Variants in TBXAS1 observed in about 807,000 individuals in gnomAD.
TBXAS1 encodes the protein thromboxane A synthase 1, also known as thromboxane-A synthase.
A neutral mutation model predicts 60.7 loss-of-function variants in TBXAS1; 48 were observed. That is an observed-to-expected ratio of 0.79 (90% CI 0.63 to 1.01). TBXAS1 has a LOEUF of 1.01. Ranked by LOEUF, TBXAS1 falls within the 50% of genes least tolerant of loss-of-function variation. TBXAS1 has a pLI of 0.00. For missense variants in TBXAS1, 685 were observed against 686.3 expected, an observed-to-expected ratio of 1.00 and a Z score of 0.02; for synonymous variants, 287 against 269.7, an observed-to-expected ratio of 1.06 and a Z score of -0.63.
chr7:139,814,826 A>T (rs1798107139), intron 4 of TBXAS1, among the ~76,000 whole-genome samples: 1 of 152,082 alleles, frequency 6.6e-6, no homozygotes, highest in Admixed American at 6.6e-5. Context: ...CTTGGCACTG[A>T]CCTGGAGTCC....
At chr7:139,908,257 A>T (rs2117035809) in intron 3 of TBXAS1, among the ~76,000 whole-genome samples, 1 of 151,876 alleles carries the variant, frequency 6.6e-6, no homozygotes, top group South Asian at 2.1e-4. Flanking sequence ...TTCATTTAAG[A>T]TCTTTCCTCT....
At chr7:139,905,798 C>A (rs962520032) in intron 3 of TBXAS1, among the ~76,000 whole-genome samples, 1 of 152,162 alleles carries the variant, frequency 6.6e-6, no homozygotes, top group Non-Finnish European at 1.5e-5. Context: ...TGTAGCATGT[C>A]TTTTCATCTT....
intron 9 of TBXAS1, among the ~76,000 whole-genome samples, chr7:139,996,332 G>A (rs1203605044): frequency 6.6e-6 from 1 of 152,058 alleles, no homozygotes; most frequent in Non-Finnish European, 1.5e-5. Flanking sequence ...GTTTTCCAGG[G>A]TCCCTTACTT....
At chr7:139,783,444 A>G (rs1302753998) in intron 3 of TBXAS1, among the ~76,000 whole-genome samples, 1 of 152,178 alleles carries the variant, frequency 6.6e-6, no homozygotes, top group Admixed American at 6.5e-5. Flanking sequence ...GGTTGCGGGA[A>G]TGGCAGATTA....
At chr7:139,805,362 T>C (rs1433784363) in intron 4 of TBXAS1, among the ~76,000 whole-genome samples, 1 of 152,254 alleles carries the variant, frequency 6.6e-6, no homozygotes, top group Non-Finnish European at 1.5e-5. Flanking sequence ...ATTCATGGTC[T>C]TAACTTTTAT....
At chr7:139,966,090 C>T (rs760125667) in intron 9 of TBXAS1, among the ~76,000 whole-genome samples, 8 of 152,160 alleles carry the variant, frequency 5.3e-5, no homozygotes, top group South Asian at 2.1e-4. Flanking sequence ...TGCCAGACTC[C>T]GGGGCTCCAG....
intron 5 of TBXAS1, among the ~76,000 whole-genome samples, chr7:139,946,521 T>C (rs1808729291): frequency 6.6e-6 from 1 of 152,098 alleles, no homozygotes; most frequent in South Asian, 2.1e-4. Flanking sequence ...AGGAGGTGAC[T>C]GAGGAGATAA....
At position 139,852,043 on chromosome 7, in the gene TBXAS1, TC is replaced by T. The variant is rs1800254076; in HGVS notation, c.90-20191del. On this transcript the variant is annotated intron_variant, in intron 1 of 12. Coordinates refer to ENST00000448866, the MANE Select transcript of TBXAS1 (RefSeq NM_001061.7). This position sits in a 1 kb window ranked among gnomAD's most constrained non-coding sequence, Gnocchi z 4.4. ...GTTGAGCAGCCCTATAGGGAGAGGCTCATATGGCAAAGCCAGCTACAGCTCC... is the reference window on the plus strand; with the variant it reads ...GTTGAGCAGCCCTATAGGGAGAGGCTATATGGCAAAGCCAGCTACAGCTCC... Among the ~76,000 whole-genome samples, 1 of 152,200 alleles carries T rather than the reference TC, an allele frequency of 6.6e-6. No homozygotes were observed. Among genetic ancestry groups the T allele is most frequent in the Admixed American group, 6.5e-5 (1 of 15,286 alleles).
At chr7:139,951,955 A>T (rs868861211) in intron 5 of TBXAS1, among the ~76,000 whole-genome samples, 1 of 65,406 alleles carries the variant, frequency 1.5e-5, no homozygotes. Flanking sequence ...GAAAGAAAAG[A>T]AAGAAAGAAA....
intron 1 of TBXAS1, among the ~76,000 whole-genome samples, chr7:139,832,582 G>A (rs1354951512): frequency 6.6e-6 from 1 of 152,180 alleles, no homozygotes; most frequent in Non-Finnish European, 1.5e-5. Flanking sequence ...TAGAGACCTA[G>A]ACATCCAAAT....
intron 1 of TBXAS1, among the ~76,000 whole-genome samples, chr7:139,844,169 T>C (rs1799649476): frequency 1.3e-5 from 2 of 152,098 alleles, no homozygotes; most frequent in Admixed American, 1.3e-4. Flanking sequence ...TGGGGGTATA[T>C]AGAGCACTCA....
At chr7:139,869,844 G>T (rs963996663) in intron 1 of TBXAS1, among the ~76,000 whole-genome samples, 2 of 152,194 alleles carry the variant, frequency 1.3e-5, no homozygotes, top group Non-Finnish European at 2.9e-5. Flanking sequence ...TTTGGGTTAA[G>T]AACGTGTTGA....
chr7:139,939,823 G>A (rs1382568219), intron 5 of TBXAS1, among the ~76,000 whole-genome samples: 2 of 152,168 alleles, frequency 1.3e-5, no homozygotes, highest in South Asian at 2.1e-4. Context: ...GAATGTGGAA[G>A]GGGAAAGCAT....
At chr7:139,819,664 G>A (rs923153144) in intron 4 of TBXAS1, among the ~76,000 whole-genome samples, 2 of 151,958 alleles carry the variant, frequency 1.3e-5, no homozygotes, top group African/African-American at 2.4e-5. Context: ...CACCATGCCC[G>A]GCTAATTTTT....
Position 139,855,226 on chromosome 7 carries a change from T to C in TBXAS1, c.90-17009T>C, listed in dbSNP as rs182320888. On this transcript the variant is annotated intron_variant, in intron 1 of 12. Coordinates refer to ENST00000448866, the MANE Select transcript of TBXAS1 (RefSeq NM_001061.7). ...ATAAATTCTTTTTCTTTATAAATTA[T>C]CTAGGTTCAGGTATTGTGTTATAAG... 1.5e-3 allele frequency among the ~76,000 whole-genome samples: 221 copies of C among 152,318 alleles called. 1 individual carries two copies. Among genetic ancestry groups the C allele is most frequent in the Non-Finnish European group, 1.4e-3 (98 of 68,032 alleles).
intron 3 of TBXAS1, among the ~76,000 whole-genome samples, chr7:139,784,736 G>T (rs143140485): frequency 6.6e-6 from 1 of 152,336 alleles, no homozygotes; most frequent in South Asian, 2.1e-4. Flanking sequence ...GGGGAAAAAT[G>T]AATTCAATTT....
intron 10 of TBXAS1, among the ~76,000 whole-genome samples, chr7:140,010,695 A>T (rs2116420066): frequency 6.6e-6 from 1 of 152,312 alleles, no homozygotes; most frequent in Non-Finnish European, 1.5e-5. Context: ...TTAGCAGCTT[A>T]GCATCTCAAT....
intron 4 of TBXAS1, among the ~76,000 whole-genome samples, chr7:139,930,836 G>A (rs966313485): frequency 4.6e-5 from 7 of 152,110 alleles, no homozygotes; most frequent in African/African-American, 1.7e-4. Context: ...TCAGTTAGGG[G>A]CTGAGATAAT....
intron 4 of TBXAS1, among the ~76,000 whole-genome samples, chr7:139,929,960 C>T (rs1807180376): frequency 1.3e-5 from 2 of 152,108 alleles, no homozygotes; most frequent in African/African-American, 4.8e-5. Context: ...CTGTTCAAAA[C>T]TCTGCTATGA....
Sources: allele counts gnomAD v4.1 joint callset (sites outside exome capture counted in the v4.1 genomes callset), GRCh38; gene constraint gnomAD v4.1.1; non-coding constraint Gnocchi (gnomAD v3.1); transcripts MANE v1.5; gene names NCBI Gene and HGNC (gene_info 2026-07-23, HGNC 2026-07-21).